Variants in UBE2F observed in about 807,000 individuals in gnomAD.
UBE2F encodes ubiquitin conjugating enzyme E2 F (putative).
In UBE2F, 5 loss-of-function variants were observed where a neutral mutation model predicts 29.6. That is an observed-to-expected ratio of 0.17 (90% CI 0.09 to 0.36). The LOEUF (loss-of-function observed/expected upper bound fraction) is 0.36, where lower values mean the gene tolerates loss of function less well. Ranked by LOEUF, UBE2F falls within the 10% of genes least tolerant of loss-of-function variation. UBE2F has a pLI of 1.00. For missense variants in UBE2F, 141 were observed against 228.5 expected (o/e 0.62, Z 2.47); for synonymous variants, 66 against 81.8 (o/e 0.81, Z 1.04).
intron 4 of UBE2F, among the ~76,000 whole-genome samples, chr2:238,013,745 G>C: frequency 6.6e-6 from 1 of 152,198 alleles, no homozygotes; most frequent in East Asian, 1.9e-4. Flanking sequence ...AGGTAGTGAG[G>C]AGTGGGCTCT....
intron 6 of UBE2F, among the ~76,000 whole-genome samples, chr2:238,028,028 A>G (rs1190681829): frequency 6.6e-6 from 1 of 152,224 alleles, no homozygotes; most frequent in Non-Finnish European, 1.5e-5. Flanking sequence ...CTTCTATTAC[A>G]GTTCGTGGGG....
chr2:238,030,027 C>T (rs1286238322), intron 6 of UBE2F, among the ~76,000 whole-genome samples: 1 of 151,830 alleles, frequency 6.6e-6, no homozygotes, highest in African/African-American at 2.4e-5. Context: ...CTCACTGCAG[C>T]CTTGAACTTC....
intron 1 of UBE2F, among the ~76,000 whole-genome samples, chr2:237,969,630 G>A (rs948004208): frequency 2.0e-5 from 3 of 152,170 alleles, no homozygotes; most frequent in South Asian, 2.1e-4. Flanking sequence ...TGACTCTGAC[G>A]ATGTGGCAGG....
chr2:237,976,888 A>C (rs1297702675), intron 2 of UBE2F, among the ~76,000 whole-genome samples: 2 of 152,184 alleles, frequency 1.3e-5, no homozygotes, highest in South Asian at 4.1e-4. Context: ...AAACTTGCCC[A>C]GTTTGCGGGT....
chr2:238,024,521 C>T (rs567951040), intron 5 of UBE2F, among the ~76,000 whole-genome samples: 4 of 151,680 alleles, frequency 2.6e-5, no homozygotes, highest in East Asian at 3.9e-4. Flanking sequence ...CTTTTTTTTT[C>T]CCTGGAGAGA....
At chr2:238,010,213 G>A (rs1274984473) in intron 4 of UBE2F, among the ~76,000 whole-genome samples, 1 of 150,860 alleles carries the variant, frequency 6.6e-6, no homozygotes, top group Non-Finnish European at 1.5e-5. Context: ...TTGCTTTATT[G>A]CCCAGGCTGG....
At chr2:238,029,354 C>A (rs946459376) in intron 6 of UBE2F, among the ~76,000 whole-genome samples, 1 of 151,878 alleles carries the variant, frequency 6.6e-6, no homozygotes, top group Non-Finnish European at 1.5e-5. Flanking sequence ...TTTGGGAGGC[C>A]GAGGCGGGCG....
chr2:237,982,108 G>A lies in UBE2F; in HGVS notation c.119-5855G>A, dbSNP rs901082663. On this transcript the variant is annotated intron_variant, in intron 2 of 9. Transcript: ENST00000272930. This position sits in a 1 kb window ranked among gnomAD's most constrained non-coding sequence, Gnocchi z 4.1. ...TTAAAATGGGTCTATTTGATTGTAT[G>A]TAAATTGGTCCCTGACAAAGCTGTC... Among the ~76,000 whole-genome samples, 4 of 152,186 alleles carry A rather than the reference G, an allele frequency of 2.6e-5. No individual in the cohort carries two copies. Among genetic ancestry groups the A allele is most frequent in the Non-Finnish European group, 5.9e-5 (4 of 68,036 alleles).
chr2:238,007,598 C>T (rs1354572823), intron 4 of UBE2F, among the ~76,000 whole-genome samples: 1 of 151,958 alleles, frequency 6.6e-6, no homozygotes, highest in Non-Finnish European at 1.5e-5. Flanking sequence ...CTTAATTTGC[C>T]AAATGCTTTT....
At chr2:238,028,734 C>T (rs2064494178) in intron 6 of UBE2F, among the ~76,000 whole-genome samples, 1 of 152,118 alleles carries the variant, frequency 6.6e-6, no homozygotes, top group African/African-American at 2.4e-5. Context: ...GATTCAAACT[C>T]TACATATTTT....
At chr2:237,977,215 AAGAAGGTCTCACAAGG>A (rs368687988) in intron 2 of UBE2F, among the ~76,000 whole-genome samples, 4,351 of 150,584 alleles carry the variant, frequency 0.029, 198 homozygotes, top group African/African-American at 0.1. Context: ...CATCAAGAAC[AAGAAGGTCTCACAAGG>A]AGAAGGGTCT....
chr2:237,991,609 C>CTTTTTTTTTTTTT lies in UBE2F; in HGVS notation c.149-3134_149-3122dup, dbSNP rs774476848. Among the ~76,000 whole-genome samples the CTTTTTTTTTTTTT allele has an allele frequency of 3.0e-3, 157 of 52,894 alleles. 1 individual carries two copies. The highest frequency in any genetic ancestry group is 3.4e-3 in the African/African-American group (49 of 14,334). The allele number at this position is 52,894 out of a possible 152,430, so 34.7% of individuals were successfully genotyped here. A position where few individuals can be genotyped will look rare whatever the true frequency, so the allele number is the denominator to read the frequency against. On this transcript the variant is annotated intron_variant, in intron 3 of 9. Coordinates refer to ENST00000272930, the MANE Select transcript of UBE2F (RefSeq NM_080678.3). ...AACCTTTCTTTTCTTTTCTTTCTTT[C>CTTTTTTTTTTTTT]TTTTTTTTTTTTTGAGACAGTCTTG...
chr2:238,013,226 C>A (rs1019093703), intron 4 of UBE2F, among the ~76,000 whole-genome samples: 3 of 151,928 alleles, frequency 2.0e-5, no homozygotes, highest in Non-Finnish European at 2.9e-5. Flanking sequence ...GCTGTGCACC[C>A]CAGCCTGAGC....
At chr2:237,978,848 T>C (rs934117020) in intron 2 of UBE2F, among the ~76,000 whole-genome samples, 2 of 152,198 alleles carry the variant, frequency 1.3e-5, no homozygotes, top group Non-Finnish European at 2.9e-5. Flanking sequence ...TGTGAACCTC[T>C]GTGTGACTGA....
chr2:238,009,908 A>G (rs766271541), intron 4 of UBE2F, among the ~76,000 whole-genome samples: 1 of 152,180 alleles, frequency 6.6e-6, no homozygotes, highest in Non-Finnish European at 1.5e-5. Context: ...TATAAATACC[A>G]CAGATATGCC....
chr2:237,968,385 C>T (rs2063104939), intron 1 of UBE2F, among the ~76,000 whole-genome samples: 1 of 152,086 alleles, frequency 6.6e-6, no homozygotes, highest in Non-Finnish European at 1.5e-5. Flanking sequence ...CTGTGCCGAG[C>T]AGGAGGTTCC....
At position 237,973,151 on chromosome 2, in the gene UBE2F, A is replaced by G. The variant is rs1407250461; in HGVS notation, c.44A>G (p.Lys15Arg). ...AAACTGAAGCGTGACGATGGTCTCAAAGGGTCCCGGACGGCAGCCACAGCG... is the reference window on the plus strand; with the variant it reads ...AAACTGAAGCGTGACGATGGTCTCAGAGGGTCCCGGACGGCAGCCACAGCG... ...ASKLKRDDGL[K>R]GSRTAATASD... Residue 15 changes from lysine (K) to arginine (R), a missense_variant, in exon 2 of 10, where the codon AAA (lysine) becomes AGA (arginine). Physicochemically the swap from Lys to Arg is conservative, Grantham distance 26. Transcript: ENST00000272930. The G allele has an allele frequency of 1.9e-6, 3 of 1,613,920 alleles. No individual in the cohort carries two copies. The highest frequency in any genetic ancestry group is 2.7e-5 in the African/African-American group (2 of 74,934).
rs993764058 is a variant in UBE2F, at chr2:238,033,177, AGTT to A, written c.444+929_444+931del. Among the ~76,000 whole-genome samples, 13 of 152,258 alleles carry A rather than the reference AGTT, an allele frequency of 8.5e-5. No homozygotes were observed. The East Asian group carries it at 1.5e-3, about 18-fold the overall frequency. The stretch of plus-strand genomic sequence containing the variant: ...GCTTTTCATGAGTCCAGAACCTCAG[AGTT>A]GTTGTCTTTTTGTCAGTGATGAGCT... On this transcript the variant is annotated intron_variant, in intron 8 of 9. Transcript: ENST00000272930.
intron 2 of UBE2F, among the ~76,000 whole-genome samples, chr2:237,978,823 GT>G (rs1226390579): frequency 2.0e-5 from 3 of 152,196 alleles, no homozygotes; most frequent in Non-Finnish European, 4.4e-5. Context: ...TGCCAGTGTT[GT>G]TGTTGGCATT....
Sources: allele counts gnomAD v4.1 joint callset (sites outside exome capture counted in the v4.1 genomes callset), GRCh38; gene constraint gnomAD v4.1.1; non-coding constraint Gnocchi (gnomAD v3.1); transcripts MANE v1.5; gene names NCBI Gene and HGNC (gene_info 2026-07-23, HGNC 2026-07-21).